ESD: variants seen among roughly 807,000 people sequenced by gnomAD.
The protein encoded by ESD is esterase D.
A neutral mutation model predicts 38.1 loss-of-function variants in ESD; 34 were observed. The observed-to-expected ratio is 0.89, with a 90% CI of 0.68 to 1.19. The LOEUF is 1.19. Ranked by LOEUF, ESD falls within the 50% of genes most tolerant of loss-of-function variation. ESD has a pLI of 0.00. For synonymous variants in ESD, 97 were observed against 107.0 expected (o/e 0.91, Z 0.58); for missense variants, 334 against 327.2 (o/e 1.02, Z -0.16).
intron 2 of ESD, among the ~76,000 whole-genome samples, chr13:46,791,769 T>C (rs1249009554): frequency 6.6e-6 from 1 of 152,074 alleles, no homozygotes. Context: ...AAATTGTTAA[T>C]AGTCTGCCTA....
intron 2 of ESD, among the ~76,000 whole-genome samples, chr13:46,792,590 G>A (rs1875435672): frequency 6.6e-6 from 1 of 151,858 alleles, no homozygotes; most frequent in African/African-American, 2.4e-5. Flanking sequence ...ACTCTCTAGA[G>A]GTTCTTTAAA....
At chr13:46,776,478 C>A (rs1479341767) in intron 9 of ESD, 1 of 152,052 alleles carries the variant, frequency 6.6e-6, no homozygotes, top group Non-Finnish European at 1.5e-5. Context: ...AGTTAAATGG[C>A]CTTAGTTCCA....
At position 46,781,604 on chromosome 13, in the gene ESD, G is replaced by A; in HGVS notation, c.393C>T (p.Leu131=). 1 of 1,607,644 alleles carries A rather than the reference G, an allele frequency of 6.2e-7. No homozygotes were observed. The highest frequency in any genetic ancestry group is 8.5e-7 in the Non-Finnish European group (1 of 1,175,598). ...YSYVTEELPQ[L]INANFPVDPQ... is the part of the protein sequence containing the mutation. Reference sequence around the variant, plus strand: ...GATCCACTGGAAAATTGGCATTTATGAGTTGGGGAAGCTAGAAAAAATTTA... The same window carrying A: ...GATCCACTGGAAAATTGGCATTTATAAGTTGGGGAAGCTAGAAAAAATTTA... Residue 131 remains leucine, a synonymous_variant, in exon 7 of 10, where the codon CTC becomes CTT. Transcript: ENST00000378720.
In ESD at chr13:46,782,669, C is replaced by T. The variant is rs1184387867; in HGVS notation, c.379G>A (p.Glu127Lys). The change falls in exon 6 of 10, where the codon GAG becomes AAG. Residue 127 changes from glutamate (E) to lysine (K), a missense_variant and splice_region_variant. Transcript: ENST00000378720. ...AATTACAATACAAATTAAATTACCT[C>T]CTCTGTGACATAAGAGTACATTCTG... ...NYRMYSYVTE[E>K]LPQLINANFP... The T allele has an allele frequency of 1.9e-5, 31 of 1,611,354 alleles. No homozygotes were observed. The highest frequency in any genetic ancestry group is 2.5e-5 in the Non-Finnish European group (30 of 1,178,440).
intron 6 of ESD, 137 bp downstream of exon 6, chr13:46,782,524 GAACTAT>G (rs1875040389): frequency 6.9e-6 from 5 of 719,538 alleles, no homozygotes; most frequent in Non-Finnish European, 1.1e-5. Flanking sequence ...GCAGTAAATA[GAACTAT>G]AGTACTAGCA....
In ESD at chr13:46,781,703, T is replaced by C. The variant is rs533644943; in HGVS notation, c.382-88A>G. The C allele has an allele frequency of 3.5e-3, 4,142 of 1,195,912 alleles. 10 individuals carry two copies. Among genetic ancestry groups the C allele is most frequent in the Non-Finnish European group, 4.5e-3 (3,715 of 823,048 alleles). 74.1% of individuals were successfully genotyped at this position (1,195,912 alleles called of 1,614,324 possible). A position where few individuals can be genotyped will look rare whatever the true frequency, so the allele number is the denominator to read the frequency against. On this transcript the variant is annotated intron_variant, in intron 6 of 9. Transcript: ENST00000378720. ...TTACAGAAAATAATTACACAATCAA[T>C]ACTGCCAAATCATAGTCTTACAATG...
At chr13:46,790,993 G>A (rs1875376910) in intron 3 of ESD, among the ~76,000 whole-genome samples, 1 of 152,168 alleles carries the variant, frequency 6.6e-6, no homozygotes, top group Non-Finnish European at 1.5e-5. Flanking sequence ...GCAAATGCAT[G>A]TGTTTAGTGT....
intron 8 of ESD, among the ~76,000 whole-genome samples, chr13:46,779,677 C>T (rs928367418): frequency 1.9e-4 from 27 of 145,064 alleles, no homozygotes; most frequent in African/African-American, 6.8e-4. Flanking sequence ...TGATTCAATA[C>T]AATTAGAAAG....
intron 9 of ESD, chr13:46,775,435 C>T (rs1356163356): frequency 1.9e-4 from 49 of 256,434 alleles, no homozygotes; most frequent in Non-Finnish European, 2.5e-4. Context: ...TATATATATC[C>T]CCTATTATTT....
chr13:46,781,309 T>C (rs951618291), intron 7 of ESD, among the ~76,000 whole-genome samples, 187 bp downstream of exon 7: 3 of 151,756 alleles, frequency 2.0e-5, no homozygotes, highest in Non-Finnish European at 3.0e-5. Context: ...TGAATTCCTA[T>C]GCGTCTGATT....
chr13:46,790,304 G>C (rs1875350757), intron 3 of ESD, among the ~76,000 whole-genome samples: 1 of 152,102 alleles, frequency 6.6e-6, no homozygotes, highest in Non-Finnish European at 1.5e-5. Flanking sequence ...TAAAAATCTA[G>C]TTGAAAGCAC....
chr13:46,793,263 T>C (rs1461924826), intron 2 of ESD, 134 bp downstream of exon 2: 2 of 152,376 alleles, frequency 1.3e-5, no homozygotes, highest in Admixed American at 1.3e-4. Context: ...CTATGATATC[T>C]GATACATTAT....
chr13:46,787,601 G>C (rs1310592029), intron 3 of ESD, among the ~76,000 whole-genome samples: 1 of 151,818 alleles, frequency 6.6e-6, no homozygotes, highest in African/African-American at 2.4e-5. Context: ...TAAAACCACA[G>C]GCGTTTTTCC....
chr13:46,774,622 T>C (rs1476095675), intron 9 of ESD, among the ~76,000 whole-genome samples: 2 of 152,190 alleles, frequency 1.3e-5, no homozygotes, highest in African/African-American at 2.4e-5. Flanking sequence ...CACCTTTCAT[T>C]CTTTCATTCT....
At chr13:46,783,902 C>T (rs1317986821) in intron 5 of ESD, among the ~76,000 whole-genome samples, 2 of 151,932 alleles carry the variant, frequency 1.3e-5, no homozygotes, top group Non-Finnish European at 2.9e-5. Context: ...TGCAACAAGA[C>T]AGTATACCTC....
At chr13:46,795,597 T>C (rs544875277) in intron 1 of ESD, among the ~76,000 whole-genome samples, 5 of 152,318 alleles carry the variant, frequency 3.3e-5, no homozygotes, top group Admixed American at 1.3e-4. Flanking sequence ...GTCACTGAAA[T>C]GGAAGACCAT....
At chr13:46,786,384 G>C (rs1037205359) in intron 4 of ESD, among the ~76,000 whole-genome samples, 3 of 151,988 alleles carry the variant, frequency 2.0e-5, no homozygotes, top group African/African-American at 7.2e-5. Context: ...TTAGTTGCTA[G>C]GATTCTCTCC....
At chr13:46,786,864 A>G (rs1875210572) in intron 4 of ESD, among the ~76,000 whole-genome samples, 157 bp downstream of exon 4, 1 of 152,012 alleles carries the variant, frequency 6.6e-6, no homozygotes, top group African/African-American at 2.4e-5. Flanking sequence ...GTCTGAAATT[A>G]TTCTGAGGAT....
intron 3 of ESD, among the ~76,000 whole-genome samples, chr13:46,790,316 G>A (rs1391122602): frequency 1.3e-5 from 2 of 152,118 alleles, no homozygotes; most frequent in African/African-American, 4.8e-5. Context: ...TGAAAGCACT[G>A]TGCCTACAGG....
Sources: allele counts gnomAD v4.1 joint callset (sites outside exome capture counted in the v4.1 genomes callset), GRCh38; gene constraint gnomAD v4.1.1; transcripts MANE v1.5; gene names NCBI Gene and HGNC (gene_info 2026-07-23, HGNC 2026-07-21).